DPH6: variants seen among roughly 807,000 people sequenced by gnomAD.
DPH6 encodes diphthamine biosynthesis 6.
Under a neutral mutation model 38.2 loss-of-function variants are expected in DPH6, and 33 were observed. The observed-to-expected ratio is 0.86, with a 90% CI of 0.65 to 1.15. The LOEUF is 1.15. Among genes scored for constraint, DPH6 ranks in the 50% most tolerant of loss-of-function variants. The pLI, the probability that DPH6 is intolerant of heterozygous loss-of-function variation, is 0.00. For synonymous variants in DPH6, 108 were observed against 103.0 expected, an observed-to-expected ratio of 1.05 and a Z score of -0.30; for missense variants, 325 against 320.0, an observed-to-expected ratio of 1.02 and a Z score of -0.12.
At position 35,398,383 on chromosome 15, in the gene DPH6, G is replaced by C. The variant is rs185061961; in HGVS notation, c.567+12452C>G. ...CCCCTAGCTACCTGGAAATGGAAAA[G>C]TGCTGAAAGTTTAGTTGCTCACCAA... is the stretch of plus-strand genomic sequence containing the variant. On this transcript the variant is annotated intron_variant, in intron 6 of 8. Transcript: ENST00000256538. Among the ~76,000 whole-genome samples, 314 of 152,294 alleles carry C rather than the reference G, an allele frequency of 2.1e-3. 2 individuals carry two copies. Among genetic ancestry groups the C allele is most frequent in the Non-Finnish European group, 1.9e-3 (129 of 68,026 alleles).
At chr15:35,276,278 ATTGT>A (rs1273148338) in intron 3 of DPH6, among the ~76,000 whole-genome samples, 30 of 151,474 alleles carry the variant, frequency 2.0e-4, no homozygotes, top group Non-Finnish European at 3.2e-4. Flanking sequence ...TTTTGATGGG[ATTGT>A]TTGTTTTTTC....
At chr15:35,338,559 T>C (rs1269500626) in intron 3 of DPH6, among the ~76,000 whole-genome samples, 4 of 152,030 alleles carry the variant, frequency 2.6e-5, no homozygotes, top group Admixed American at 6.6e-5. Context: ...TGTGGAGAAA[T>C]AGGAACACTT....
chr15:35,145,621 T>G, the DPH6 span, among the ~76,000 whole-genome samples: 5 of 152,230 alleles, frequency 3.3e-5, no homozygotes, highest in Non-Finnish European at 5.9e-5. Flanking sequence ...CCCTTCAGTT[T>G]GTCAAAATTC....
the DPH6 span, among the ~76,000 whole-genome samples, chr15:35,197,136 T>G: frequency 6.6e-6 from 1 of 152,188 alleles, no homozygotes; most frequent in African/African-American, 2.4e-5. Flanking sequence ...TTGTAATCTT[T>G]AATGTAATAA....
chr15:35,188,963 T>C, the DPH6 span, among the ~76,000 whole-genome samples: 4 of 152,074 alleles, frequency 2.6e-5, no homozygotes, highest in Admixed American at 6.5e-5. Flanking sequence ...CTGATGAAAA[T>C]AGCAAAGTAC....
At chr15:35,475,969 T>C (rs2054259167) in intron 3 of DPH6, among the ~76,000 whole-genome samples, 1 of 151,606 alleles carries the variant, frequency 6.6e-6, no homozygotes, top group Admixed American at 6.6e-5. Flanking sequence ...AGAACAAAAA[T>C]ATTTTTACAG....
At chr15:35,364,118 A>G (rs1045355455) in intron 3 of DPH6, among the ~76,000 whole-genome samples, 1 of 151,788 alleles carries the variant, frequency 6.6e-6, no homozygotes, top group Non-Finnish European at 1.5e-5. Flanking sequence ...AATATCCTTT[A>G]CTATCCTTTG....
intron 3 of DPH6, among the ~76,000 whole-genome samples, chr15:35,479,535 T>G: frequency 6.6e-6 from 1 of 152,046 alleles, no homozygotes; most frequent in South Asian, 2.1e-4. Context: ...AGGTTAAGAC[T>G]CCTCCTCCAA....
At chr15:35,517,803 T>C (rs1308475154) in intron 3 of DPH6, among the ~76,000 whole-genome samples, 2 of 152,132 alleles carry the variant, frequency 1.3e-5, no homozygotes, top group African/African-American at 2.4e-5. Context: ...GATTATTTTT[T>C]ATCATCAGGT....
chr15:35,470,754 T>C (rs1460956484), intron 3 of DPH6, among the ~76,000 whole-genome samples: 1 of 152,168 alleles, frequency 6.6e-6, no homozygotes, highest in Non-Finnish European at 1.5e-5. Flanking sequence ...GTATCTGGCT[T>C]CACAGTCTTT....
At chr15:35,174,417 C>G in the DPH6 span, among the ~76,000 whole-genome samples, 1 of 152,182 alleles carries the variant, frequency 6.6e-6, no homozygotes, top group African/African-American at 2.4e-5. Context: ...CTTTTAATTT[C>G]TAGGCCAATC....
In DPH6 at chr15:35,498,808, A is replaced by G. The variant is rs1031040604; in HGVS notation, c.312+39466T>C. Among the ~76,000 whole-genome samples the G allele has an allele frequency of 2.6e-5, 4 of 152,068 alleles. No individual in the cohort carries two copies. The East Asian group carries it at 5.8e-4, about 22-fold the overall frequency. ...TTACGTAGATGCCGTCAAAGTGTAT[A>G]TATAATTTTGTATCTTAAACCGGGT... On this transcript the variant is annotated intron_variant, in intron 3 of 8. Coordinates refer to ENST00000256538, the MANE Select transcript of DPH6 (RefSeq NM_080650.4).
At chr15:35,362,807 T>C (rs2052624888) in intron 3 of DPH6, among the ~76,000 whole-genome samples, 1 of 152,192 alleles carries the variant, frequency 6.6e-6, no homozygotes, top group Non-Finnish European at 1.5e-5. Context: ...AATGTGGTTG[T>C]TTTTGACTCT....
At position 35,478,013 on chromosome 15, in the gene DPH6, C is replaced by T. The variant is rs182584172; in HGVS notation, c.313-23193G>A. 3.4e-3 allele frequency among the ~76,000 whole-genome samples: 513 copies of T among 151,990 alleles called. 4 individuals are homozygous for T. Among genetic ancestry groups the T allele is most frequent in the African/African-American group, 0.012 (489 of 41,526 alleles). ...ATAAACATGATGATTAAATAGCACA[C>T]AGAGCAAACCTCTGATACTTTTAAA... On this transcript the variant is annotated intron_variant, in intron 3 of 8. Transcript: ENST00000256538.
At chr15:35,540,454 A>T (rs901894756) in intron 2 of DPH6, among the ~76,000 whole-genome samples, 1 of 152,078 alleles carries the variant, frequency 6.6e-6, no homozygotes, top group African/African-American at 2.4e-5. Context: ...TTTCTTTCAT[A>T]ACACTCATAG....
chr15:35,388,310 T>G (rs1248923895), intron 6 of DPH6, among the ~76,000 whole-genome samples: 6 of 152,196 alleles, frequency 3.9e-5, no homozygotes, highest in Non-Finnish European at 7.3e-5. Context: ...TCTCTTTTTT[T>G]GTGGTGTCTC....
At chr15:35,220,629 G>A (rs2051436581) in intron 3 of DPH6, 1 of 152,108 alleles carries the variant, frequency 6.6e-6, no homozygotes, top group Non-Finnish European at 1.5e-5. Flanking sequence ...CAAGAGTGGG[G>A]TAAAGCCACT....
intron 5 of DPH6, among the ~76,000 whole-genome samples, chr15:35,434,385 A>C (rs2053669821): frequency 1.3e-5 from 2 of 152,252 alleles, no homozygotes; most frequent in Admixed American, 6.5e-5. Flanking sequence ...AACAGAGGGC[A>C]CTAAAATATT....
intron 5 of DPH6, among the ~76,000 whole-genome samples, chr15:35,445,356 T>C (rs2053837940): frequency 6.8e-6 from 1 of 146,982 alleles, no homozygotes; most frequent in Non-Finnish European, 1.5e-5. Flanking sequence ...GAATCCTCCA[T>C]CTGTGTACTT....
Sources: gnomAD v4.1 joint callset for allele counts (sites outside exome capture counted in the v4.1 genomes callset) on GRCh38, gnomAD v4.1.1 for gene constraint, MANE v1.5 for transcripts, NCBI Gene and HGNC (gene_info 2026-07-23, HGNC 2026-07-21) for gene names.